The following WDR1 variants were observed in gnomAD, a reference collection of about 807,000 sequenced individuals.
WDR1 encodes the protein WD repeat-containing protein 1.
A neutral mutation model predicts 71.9 loss-of-function variants in WDR1; 21 were observed. That is an observed-to-expected ratio of 0.29 (90% CI 0.21 to 0.42). WDR1 has a LOEUF of 0.42. Among genes scored for constraint, WDR1 ranks in the 10% least tolerant of loss-of-function variants. The probability of loss-of-function intolerance (pLI) is 1.00; values close to 1 mark genes in which losing one functional copy is unlikely to be tolerated. For missense variants in WDR1, 696 were observed against 824.5 expected, an observed-to-expected ratio of 0.84 and a Z score of 1.91; for synonymous variants, 424 against 347.4, an observed-to-expected ratio of 1.22 and a Z score of -2.45.
intron 2 of WDR1, among the ~76,000 whole-genome samples, chr4:10,114,093 T>C (rs191920932): frequency 2.2e-4 from 33 of 152,288 alleles, no homozygotes; most frequent in African/African-American, 6.3e-4. Flanking sequence ...CCACCTTTAC[T>C]TGAGTACCCA....
intron 2 of WDR1, among the ~76,000 whole-genome samples, chr4:10,110,596 G>A (rs1713291745): frequency 6.6e-6 from 1 of 151,974 alleles, no homozygotes; most frequent in African/African-American, 2.4e-5. Flanking sequence ...CATCCTTCAA[G>A]ACCCAACTCA....
At chr4:10,095,632 T>C (rs986432185) in intron 5 of WDR1, among the ~76,000 whole-genome samples, 10 of 152,186 alleles carry the variant, frequency 6.6e-5, no homozygotes, top group African/African-American at 2.4e-4. Context: ...CAGAAGGTAT[T>C]TGGGGGCAGG....
chr4:10,077,721 C>A, intron 13 of WDR1, 32 bp downstream of exon 13: 2 of 1,537,742 alleles, frequency 1.3e-6, no homozygotes, highest in Non-Finnish European at 1.8e-6. Flanking sequence ...CCGCCCAGCA[C>A]GGGGACAGAG....
chr4:10,087,660 T>C (rs1578424641), intron 8 of WDR1, 47 bp downstream of exon 8: 2 of 1,515,458 alleles, frequency 1.3e-6, no homozygotes, highest in Non-Finnish European at 1.8e-6. Context: ...CTCTGGTCTC[T>C]TCCCTGTCCA....
chr4:10,116,004 C>T, intron 2 of WDR1, 109 bp downstream of exon 2: 1 of 1,453,610 alleles, frequency 6.9e-7, no homozygotes, highest in Non-Finnish European at 9.3e-7. Context: ...GTGGCGCCCT[C>T]ACCCTCCCCG....
At chr4:10,088,435 T>C in intron 6 of WDR1, 62 bp from the exon 7 acceptor site, 1 of 1,466,046 alleles carries the variant, frequency 6.8e-7, no homozygotes, top group Non-Finnish European at 9.4e-7. Context: ...GTAAGCAGTT[T>C]CTCCATGGAC....
At chr4:10,108,571 A>C (rs1227586038) in intron 2 of WDR1, among the ~76,000 whole-genome samples, 1 of 152,146 alleles carries the variant, frequency 6.6e-6, no homozygotes, top group Non-Finnish European at 1.5e-5. Flanking sequence ...TGGCTTTGTA[A>C]ATACTCCAAG....
chr4:10,081,047 A>G (rs576934848), intron 11 of WDR1, among the ~76,000 whole-genome samples: 3 of 152,314 alleles, frequency 2.0e-5, no homozygotes, highest in African/African-American at 7.2e-5. Flanking sequence ...CCCACAGGGT[A>G]TCTCATAGAC....
At chr4:10,108,975 T>A (rs1216383297) in intron 2 of WDR1, among the ~76,000 whole-genome samples, 1 of 152,234 alleles carries the variant, frequency 6.6e-6, no homozygotes, top group Non-Finnish European at 1.5e-5. Context: ...CACACTTGAT[T>A]CACCATAGCA....
chr4:10,086,904 G>T (rs763566030), intron 8 of WDR1, among the ~76,000 whole-genome samples: 1 of 152,158 alleles, frequency 6.6e-6, no homozygotes, highest in South Asian at 2.1e-4. Flanking sequence ...GGGCGCTGCT[G>T]TGAGAGGAGG....
chr4:10,077,722 G>A lies in WDR1; in HGVS notation c.1569+31C>T, dbSNP rs372940670. 9.4e-5 allele frequency: 145 copies of A among 1,540,660 alleles called. No homozygotes were observed. In the African/African-American group the frequency reaches 1.4e-3, roughly 15 times the overall value. On this transcript the variant is annotated intron_variant, in intron 13 of 14. Coordinates refer to ENST00000499869, the MANE Select transcript of WDR1 (RefSeq NM_017491.5). ...CACTGCCACCTGCACCGCCCAGCAC[G>A]GGGACAGAGGAGGAGCCCGCCGCCA...
At chr4:10,116,566 C>T in intron 1 of WDR1, 85 bp downstream of exon 1, 1 of 1,055,220 alleles carries the variant, frequency 9.5e-7, no homozygotes, top group Non-Finnish European at 1.2e-6. Flanking sequence ...AGGACTCCCC[C>T]GCCACCCGCA....
chr4:10,077,624 G>A (rs778058465), intron 13 of WDR1, 129 bp downstream of exon 13: 106 of 1,454,320 alleles, frequency 7.3e-5, no homozygotes, highest in Non-Finnish European at 9.5e-5. Flanking sequence ...CGAGGCACCT[G>A]CTACTTGTAG....
intron 7 of WDR1, 86 bp from the exon 8 acceptor site, chr4:10,088,026 T>C (rs988797754): frequency 4.6e-6 from 6 of 1,302,480 alleles, no homozygotes; most frequent in South Asian, 2.9e-5. Flanking sequence ...ACTGCGACTG[T>C]TTGAGTAGGA....
chr4:10,097,949 G>A (rs1712453053), intron 4 of WDR1, 58 bp from the exon 5 acceptor site: 8 of 1,458,318 alleles, frequency 5.5e-6, no homozygotes, highest in African/African-American at 2.9e-5. Context: ...AATCCCAGAA[G>A]GCTGGTAAGC....
chr4:10,087,701 C>A lies in WDR1; in HGVS notation c.951+6G>T, dbSNP rs373009782. On this transcript the variant is annotated splice_donor_region_variant and intron_variant, in intron 8 of 14. Coordinates refer to ENST00000499869, the MANE Select transcript of WDR1 (RefSeq NM_017491.5). ...CGGGCAGAGCCTTCCCCAGGGCAGG[C>A]CTTACCTTGATGACGTGCAGGGGCT... 2.5e-6 allele frequency: 4 copies of A among 1,580,026 alleles called. No homozygotes were observed. In the African/African-American group the frequency reaches 5.4e-5, roughly 21 times the overall value.
At chr4:10,097,959 C>G (rs1186500684) in intron 4 of WDR1, 68 bp from the exon 5 acceptor site, 3 of 1,442,648 alleles carry the variant, frequency 2.1e-6, no homozygotes, top group African/African-American at 2.9e-5. Flanking sequence ...GGCTGGTAAG[C>G]AATCTGATAG....
At chr4:10,114,884 A>C (rs1012227668) in intron 2 of WDR1, among the ~76,000 whole-genome samples, 2 of 152,194 alleles carry the variant, frequency 1.3e-5, no homozygotes, top group African/African-American at 4.8e-5. Context: ...CAGCAGAGGA[A>C]CAGCAGCGAC....
At position 10,077,920 on chromosome 4, in the gene WDR1, T is replaced by C; in HGVS notation, c.1402A>G (p.Asn468Asp). The C allele has an allele frequency of 6.2e-7, 1 of 1,604,918 alleles. No homozygotes were observed. Among genetic ancestry groups the C allele is most frequent in the Non-Finnish European group, 8.5e-7 (1 of 1,174,610 alleles). The change falls in exon 13 of 15, where the codon AAC becomes GAC. Residue 468 changes from asparagine to aspartate, a missense_variant. Transcript: ENST00000499869. ...CCCAGGATGGAATACAGGCGGACGTTGCCGTCCTACGGCAGGGACAGAGAG... is the reference window on the plus strand; with the variant it reads ...CCCAGGATGGAATACAGGCGGACGTCGCCGTCCTACGGCAGGGACAGAGAG... ...DTVAIGGVDG[N>D]VRLYSILGTT... is the part of the protein sequence containing the mutation.
Sources: gnomAD v4.1 joint callset for allele counts (sites outside exome capture counted in the v4.1 genomes callset) on GRCh38, gnomAD v4.1.1 for gene constraint, MANE v1.5 for transcripts, NCBI Gene and HGNC (gene_info 2026-07-23, HGNC 2026-07-21) for gene names.